GPR158: variants seen among roughly 807,000 people sequenced by gnomAD.
GPR158 encodes the protein G protein-coupled receptor 158.
GPR158 carries 30 observed loss-of-function variants against 78.2 expected under a neutral mutation model. The observed-to-expected ratio is 0.38, with a 90% CI of 0.29 to 0.52. The LOEUF is 0.52. Ranked by LOEUF, GPR158 falls within the 20% of genes least tolerant of loss-of-function variation. The pLI is 0.83. For synonymous variants in GPR158, 581 were observed against 591.1 expected, an observed-to-expected ratio of 0.98 and a Z score of 0.25; for missense variants, 1,463 against 1,523.5, an observed-to-expected ratio of 0.96 and a Z score of 0.66.
chr10:25,352,974 T>C (rs7069534), intron 2 of GPR158, among the ~76,000 whole-genome samples: 13 of 152,154 alleles, frequency 8.5e-5, no homozygotes, highest in African/African-American at 2.6e-4. Flanking sequence ...AGAAAGGAGA[T>C]AAAAGACAAT....
chr10:25,493,933 T>C (rs1835845018), intron 5 of GPR158, among the ~76,000 whole-genome samples: 2 of 152,198 alleles, frequency 1.3e-5, no homozygotes, highest in African/African-American at 4.8e-5. Flanking sequence ...TTATGGCTGC[T>C]TAGGGTGTTT....
intron 2 of GPR158, among the ~76,000 whole-genome samples, chr10:25,286,117 A>G (rs184841462): frequency 1.1e-4 from 17 of 152,076 alleles, no homozygotes; most frequent in Admixed American, 7.9e-4. Flanking sequence ...GTGTGTGTGC[A>G]TGCATTTTTT....
In GPR158 at chr10:25,175,417, G is replaced by A; in HGVS notation, c.-4G>A. The A allele has an allele frequency of 6.6e-7, 1 of 1,514,728 alleles. No individual in the cohort carries two copies. Among genetic ancestry groups the A allele is most frequent in the Non-Finnish European group, 8.9e-7 (1 of 1,127,480 alleles). The allele number at this position is 1,514,728 out of a possible 1,614,324, so 93.8% of individuals were successfully genotyped here. ...CGTTCCCTCCTCTTCTCTCTGGGAGGCAGATGGGAGCCATGGCTTACCCCT... is the reference window on the plus strand; with the variant it reads ...CGTTCCCTCCTCTTCTCTCTGGGAGACAGATGGGAGCCATGGCTTACCCCT... On this transcript the variant is annotated 5_prime_UTR_variant, in exon 1 of 11. Coordinates refer to ENST00000376351, the MANE Select transcript of GPR158 (RefSeq NM_020752.3). This position sits in a 1 kb window ranked among gnomAD's most constrained non-coding sequence, Gnocchi z 6.4.
At chr10:25,511,072 T>C (rs1375086732) in intron 5 of GPR158, among the ~76,000 whole-genome samples, 2 of 152,216 alleles carry the variant, frequency 1.3e-5, no homozygotes, top group Admixed American at 1.3e-4. Context: ...GGTAGTGGGA[T>C]TGCTAGATCA....
intron 2 of GPR158, among the ~76,000 whole-genome samples, chr10:25,373,963 A>G (rs574213003): frequency 5.3e-5 from 8 of 151,688 alleles, no homozygotes; most frequent in Non-Finnish European, 8.8e-5. Flanking sequence ...GGTTGTTCAA[A>G]TCTTCATACT....
intron 2 of GPR158, among the ~76,000 whole-genome samples, chr10:25,289,218 T>C (rs183064731): frequency 6.6e-6 from 1 of 152,184 alleles, no homozygotes; most frequent in East Asian, 1.9e-4. Flanking sequence ...CAAAGTTGAA[T>C]AGGAGATAGC....
At chr10:25,278,664 CTGAG>C (rs1321571650) in intron 2 of GPR158, among the ~76,000 whole-genome samples, 2 of 151,580 alleles carry the variant, frequency 1.3e-5, no homozygotes, top group Non-Finnish European at 2.9e-5. Context: ...TAAAAGTAGA[CTGAG>C]TGAAAAATAT....
At chr10:25,539,667 A>G (rs1205053188) in intron 5 of GPR158, among the ~76,000 whole-genome samples, 1 of 152,020 alleles carries the variant, frequency 6.6e-6, no homozygotes, top group Non-Finnish European at 1.5e-5. Context: ...CTGTATTACT[A>G]TGGAAGCTAT....
intron 5 of GPR158, among the ~76,000 whole-genome samples, chr10:25,503,947 A>G (rs1325748800): frequency 6.7e-6 from 1 of 148,464 alleles, no homozygotes; most frequent in Non-Finnish European, 1.5e-5. Flanking sequence ...CTGGAGTGCG[A>G]TGGGGTGACC....
intron 2 of GPR158, among the ~76,000 whole-genome samples, chr10:25,257,038 T>C (rs1202691902): frequency 6.6e-6 from 1 of 152,204 alleles, no homozygotes; most frequent in Non-Finnish European, 1.5e-5. Flanking sequence ...TGTAACAGAA[T>C]ACCACAGACT....
Position 25,601,260 on chromosome 10 carries a change from G to T in GPR158, c.*1986G>T, listed in dbSNP as rs1366588042. The T allele has an allele frequency of 2.0e-5, 3 of 152,576 alleles. No individual in the cohort carries two copies. Among genetic ancestry groups the T allele is most frequent in the African/African-American group, 4.8e-5 (2 of 41,434 alleles). 9.5% of individuals were successfully genotyped at this position (152,576 alleles called of 1,614,324 possible). On this transcript the variant is annotated 3_prime_UTR_variant, in exon 11 of 11. Coordinates refer to ENST00000376351, the MANE Select transcript of GPR158 (RefSeq NM_020752.3). ...GTGCGCAAATCTTCCTCACCCATTTGCTGACTTTATGCATTACTCAGGTTG... is the reference window on the plus strand; with the variant it reads ...GTGCGCAAATCTTCCTCACCCATTTTCTGACTTTATGCATTACTCAGGTTG...
chr10:25,230,467 A>C (rs1377060571), intron 2 of GPR158, among the ~76,000 whole-genome samples: 1 of 152,230 alleles, frequency 6.6e-6, no homozygotes, highest in Non-Finnish European at 1.5e-5. Context: ...AAATGTGTGT[A>C]GATAAAGTGG....
chr10:25,211,490 C>G (rs1222547795), intron 1 of GPR158, among the ~76,000 whole-genome samples: 2 of 152,114 alleles, frequency 1.3e-5, no homozygotes, highest in Non-Finnish European at 2.9e-5. Flanking sequence ...AGCGCATGCA[C>G]AAGAGGAGGC....
chr10:25,591,599 G>A (rs1206708027), intron 8 of GPR158, among the ~76,000 whole-genome samples: 2 of 152,096 alleles, frequency 1.3e-5, no homozygotes, highest in African/African-American at 4.8e-5. Flanking sequence ...CAACTGTGTG[G>A]ACCTCTATTA....
chr10:25,512,379 T>G (rs1228201304), intron 5 of GPR158, among the ~76,000 whole-genome samples: 1 of 152,160 alleles, frequency 6.6e-6, no homozygotes, highest in African/African-American at 2.4e-5. Flanking sequence ...TGTACATTAA[T>G]TTTATAACCT....
intron 4 of GPR158, among the ~76,000 whole-genome samples, chr10:25,425,776 C>T (rs1417118343): frequency 1.3e-5 from 2 of 152,060 alleles, no homozygotes; most frequent in African/African-American, 4.8e-5. Context: ...GGGCTTCTCT[C>T]TTAGGACCTC....
intron 4 of GPR158, among the ~76,000 whole-genome samples, chr10:25,435,608 A>G (rs1834988168): frequency 6.6e-6 from 1 of 152,222 alleles, no homozygotes; most frequent in Admixed American, 6.5e-5. Flanking sequence ...TCAGTCATCC[A>G]GAGGCCTACA....
chr10:25,421,487 G>T (rs553732424), intron 4 of GPR158, among the ~76,000 whole-genome samples: 1 of 152,218 alleles, frequency 6.6e-6, no homozygotes, highest in East Asian at 1.9e-4. Flanking sequence ...TAGAGGTACT[G>T]TAGAAGTTCC....
intron 1 of GPR158, among the ~76,000 whole-genome samples, chr10:25,201,615 C>T (rs112618450): frequency 0.015 from 2,277 of 151,864 alleles, 61 homozygotes; most frequent in African/African-American, 0.052. Context: ...TTCAGTATGT[C>T]GGCTGTGTCA....
Sources: allele counts gnomAD v4.1 joint callset (sites outside exome capture counted in the v4.1 genomes callset), GRCh38; gene constraint gnomAD v4.1.1; non-coding constraint Gnocchi (gnomAD v3.1); transcripts MANE v1.5; gene names NCBI Gene and HGNC (gene_info 2026-07-23, HGNC 2026-07-21).